The following BLNK variants were observed in gnomAD, a reference collection of about 807,000 sequenced individuals.
The protein encoded by BLNK is B cell linker, also known as B-cell linker protein.
A neutral mutation model predicts 73.5 loss-of-function variants in BLNK; 29 were observed. The observed-to-expected ratio is 0.39, with a 90% CI of 0.29 to 0.54. BLNK has a LOEUF of 0.54. Ranked by LOEUF, BLNK falls within the 20% of genes least tolerant of loss-of-function variation. The pLI is 0.61. For missense variants in BLNK, 460 were observed against 562.8 expected, an observed-to-expected ratio of 0.82 and a Z score of 1.85; for synonymous variants, 176 against 200.8, an observed-to-expected ratio of 0.88 and a Z score of 1.04.
chr10:96,271,286 A>G, intron 1 of BLNK, 66 bp downstream of exon 1: 1 of 1,539,304 alleles, frequency 6.5e-7, no homozygotes, highest in Non-Finnish European at 9.0e-7. Context: ...TATTTCTGAG[A>G]TGCCATAAGA....
intron 7 of BLNK, chr10:96,215,984 G>A (rs1224884499): frequency 6.2e-6 from 1 of 160,452 alleles, no homozygotes; most frequent in Non-Finnish European, 1.4e-5. Flanking sequence ...CTACATGATG[G>A]CGGACTGAAA....
chr10:96,270,744 A>T (rs1844235892), intron 1 of BLNK, among the ~76,000 whole-genome samples: 1 of 152,166 alleles, frequency 6.6e-6, no homozygotes, highest in Non-Finnish European at 1.5e-5. Context: ...AAATTTGGGG[A>T]AGTTGTCTTT....
intron 3 of BLNK, among the ~76,000 whole-genome samples, chr10:96,237,536 A>G (rs1262492219): frequency 6.6e-6 from 1 of 152,146 alleles, no homozygotes; most frequent in African/African-American, 2.4e-5. Flanking sequence ...TGACTCCTCA[A>G]GGACTTGTGG....
intron 1 of BLNK, among the ~76,000 whole-genome samples, chr10:96,269,599 C>T (rs938466234): frequency 2.6e-5 from 4 of 151,924 alleles, no homozygotes; most frequent in African/African-American, 9.7e-5. Context: ...CCACCAGATC[C>T]CTGCCTCCAG....
intron 6 of BLNK, among the ~76,000 whole-genome samples, chr10:96,223,562 G>C (rs2084250644): frequency 6.6e-6 from 1 of 152,152 alleles, no homozygotes; most frequent in Non-Finnish European, 1.5e-5. Context: ...GAGATTCACA[G>C]GAAACCCCAG....
At chr10:96,226,007 G>T (rs1842242377) in intron 5 of BLNK, among the ~76,000 whole-genome samples, 1 of 152,160 alleles carries the variant, frequency 6.6e-6, no homozygotes, top group Non-Finnish European at 1.5e-5. Context: ...TTCCTCCCCA[G>T]GGTTGCTGTG....
intron 16 of BLNK, among the ~76,000 whole-genome samples, chr10:96,195,511 A>T (rs150111234): frequency 2.2e-4 from 34 of 152,372 alleles, no homozygotes; most frequent in Non-Finnish European, 4.4e-4. Flanking sequence ...ACATGCTACA[A>T]CATGGATGAG....
At chr10:96,194,298 G>A (rs1160212855) in intron 16 of BLNK, among the ~76,000 whole-genome samples, 4 of 152,190 alleles carry the variant, frequency 2.6e-5, no homozygotes, top group African/African-American at 4.8e-5. Context: ...TAAAACCAAA[G>A]ATTGGTCTTG....
chr10:96,194,252 G>A (rs1441111370), intron 16 of BLNK, among the ~76,000 whole-genome samples: 3 of 152,186 alleles, frequency 2.0e-5, no homozygotes, highest in Non-Finnish European at 1.5e-5. Context: ...TGCTGGAGAA[G>A]CTTTAGGATG....
At chr10:96,194,832 G>A (rs924572174) in intron 16 of BLNK, among the ~76,000 whole-genome samples, 17 of 139,128 alleles carry the variant, frequency 1.2e-4, no homozygotes, top group African/African-American at 4.2e-4. Context: ...GTGCAGTGGC[G>A]CGATCTCGAC....
In BLNK at chr10:96,201,118, C is replaced by G; in HGVS notation, c.935-60G>C. ...TCATATTTCTTGAACTCTTTCTATGCCTATCCCCTAACACTGTACTAGGTG... is the reference window on the plus strand; with the variant it reads ...TCATATTTCTTGAACTCTTTCTATGGCTATCCCCTAACACTGTACTAGGTG... On this transcript the variant is annotated intron_variant, in intron 13 of 16. Coordinates refer to ENST00000224337, the MANE Select transcript of BLNK (RefSeq NM_013314.4). 7.0e-6 allele frequency: 10 copies of G among 1,427,888 alleles called. No homozygotes were observed. In the South Asian group the frequency reaches 1.1e-4, roughly 16 times the overall value. The allele number at this position is 1,427,888 out of a possible 1,614,324, so 88.5% of individuals were successfully genotyped here. A position where few individuals can be genotyped will look rare whatever the true frequency, so the allele number is the denominator to read the frequency against.
At chr10:96,222,894 C>T (rs782534018) in intron 6 of BLNK, among the ~76,000 whole-genome samples, 2 of 152,110 alleles carry the variant, frequency 1.3e-5, no homozygotes, top group Non-Finnish European at 2.9e-5. Flanking sequence ...GAGGGCTCCC[C>T]TGCCCCAGGA....
intron 1 of BLNK, among the ~76,000 whole-genome samples, chr10:96,248,509 G>A (rs1433410942): frequency 6.6e-6 from 1 of 152,204 alleles, no homozygotes; most frequent in Non-Finnish European, 1.5e-5. Context: ...TGTTGAGAAA[G>A]TAAATTGTTA....
At chr10:96,222,161 A>G (rs782647189) in intron 6 of BLNK, among the ~76,000 whole-genome samples, 5 of 152,254 alleles carry the variant, frequency 3.3e-5, no homozygotes, top group Non-Finnish European at 7.3e-5. Context: ...AAAATAACAG[A>G]GATGAAAAAC....
At chr10:96,224,832 G>A (rs587618314) in intron 5 of BLNK, among the ~76,000 whole-genome samples, 1 of 152,188 alleles carries the variant, frequency 6.6e-6, no homozygotes, top group South Asian at 2.1e-4. Flanking sequence ...GAAGTAGCTG[G>A]GATTACAGGC....
At chr10:96,193,389 G>A (rs2083376558) in intron 16 of BLNK, among the ~76,000 whole-genome samples, 2 of 152,332 alleles carry the variant, frequency 1.3e-5, no homozygotes, top group Admixed American at 6.5e-5. Flanking sequence ...AACCTAGGAA[G>A]CATAGGAGAG....
chr10:96,238,993 T>G, intron 3 of BLNK: 1 of 396,636 alleles, frequency 2.5e-6, no homozygotes, highest in Non-Finnish European at 4.4e-6. Context: ...GGGGCCAAGA[T>G]TCTGCATTTC....
intron 1 of BLNK, among the ~76,000 whole-genome samples, chr10:96,269,805 G>A (rs545229353): frequency 6.6e-6 from 1 of 152,132 alleles, no homozygotes; most frequent in African/African-American, 2.4e-5. Context: ...TTTAGTTTCT[G>A]CTGGACAGAA....
Position 96,223,807 on chromosome 10 carries a change from T to C in BLNK, c.525+19A>G. 1 of 1,613,262 alleles carries C rather than the reference T, an allele frequency of 6.2e-7. No homozygotes were observed. Among genetic ancestry groups the C allele is most frequent in the Non-Finnish European group, 8.5e-7 (1 of 1,179,856 alleles). On this transcript the variant is annotated intron_variant, in intron 6 of 16. Coordinates refer to ENST00000224337, the MANE Select transcript of BLNK (RefSeq NM_013314.4). ...CCCCCTCTGTGTCCTGGGAAGCCTT[T>C]GGCACAGATTTACTTTACCTCATCC...
Sources: gnomAD v4.1 joint callset for allele counts (sites outside exome capture counted in the v4.1 genomes callset) on GRCh38, gnomAD v4.1.1 for gene constraint, MANE v1.5 for transcripts, NCBI Gene and HGNC (gene_info 2026-07-23, HGNC 2026-07-21) for gene names.